The following BMPR1B variants were observed in gnomAD, a reference collection of about 807,000 sequenced individuals.
BMPR1B encodes the protein bone morphogenetic protein receptor type 1B.
In BMPR1B, 12 loss-of-function variants were observed where a neutral mutation model predicts 59.1. The ratio of observed to expected loss-of-function variants is 0.20; its 90% CI spans 0.13 to 0.33. The LOEUF (loss-of-function observed/expected upper bound fraction) is 0.33. Ranked by LOEUF, BMPR1B falls within the 10% of genes least tolerant of loss-of-function variation. BMPR1B has a pLI of 1.00. For synonymous variants in BMPR1B, 237 were observed against 207.3 expected, an observed-to-expected ratio of 1.14 and a Z score of -1.23; for missense variants, 550 against 610.9, an observed-to-expected ratio of 0.90 and a Z score of 1.05.
At chr4:95,034,080 T>C (rs993991031) in intron 3 of BMPR1B, among the ~76,000 whole-genome samples, 1 of 152,138 alleles carries the variant, frequency 6.6e-6, no homozygotes, top group South Asian at 2.1e-4. Flanking sequence ...AGAGGATGTT[T>C]GCTAGCTCAT....
intron 1 of BMPR1B, among the ~76,000 whole-genome samples, chr4:94,829,424 C>G (rs1193778734): frequency 6.6e-6 from 1 of 151,658 alleles, no homozygotes; most frequent in East Asian, 1.9e-4. Context: ...CAGGCACACG[C>G]CACTATGCCT....
Position 95,110,417 on chromosome 4 carries a change from A to G in BMPR1B, c.144-4303A>G, listed in dbSNP as rs1365557240. On this transcript the variant is annotated intron_variant, in intron 4 of 12. Coordinates refer to ENST00000515059, the MANE Select transcript of BMPR1B (RefSeq NM_001203.3). ...GATAGTTACATGATCTTGAGGATAA[A>G]TAAAAGGGGCATCTCTCACATTGGT... 2.0e-5 allele frequency among the ~76,000 whole-genome samples: 3 copies of G among 152,194 alleles called. No homozygotes were observed. In the East Asian group the frequency reaches 5.8e-4, roughly 29 times the overall value.
chr4:94,910,743 TA>T (rs1172899697), intron 2 of BMPR1B, among the ~76,000 whole-genome samples: 2 of 151,774 alleles, frequency 1.3e-5, no homozygotes, highest in African/African-American at 2.4e-5. Context: ...CCCCCATCTC[TA>T]AAAAAATAAA....
At chr4:95,002,906 C>T (rs1356610883) in intron 3 of BMPR1B, among the ~76,000 whole-genome samples, 1 of 151,510 alleles carries the variant, frequency 6.6e-6, no homozygotes, top group African/African-American at 2.4e-5. Flanking sequence ...TGAGTTATTA[C>T]CTTTTCTGTT....
chr4:95,077,419 G>C (rs1159155245), intron 3 of BMPR1B, among the ~76,000 whole-genome samples: 1 of 152,124 alleles, frequency 6.6e-6, no homozygotes, highest in Admixed American at 6.5e-5. Flanking sequence ...AAAGCTGTTA[G>C]AACAGTTTTC....
intron 10 of BMPR1B, among the ~76,000 whole-genome samples, chr4:95,146,327 G>GT (rs1242548614): frequency 3.3e-5 from 5 of 152,130 alleles, no homozygotes; most frequent in Non-Finnish European, 7.4e-5. Context: ...TTTTTGCAGT[G>GT]TTTGAGAAAA....
chr4:95,134,885 T>G (rs1392388223), intron 10 of BMPR1B, among the ~76,000 whole-genome samples: 2 of 152,234 alleles, frequency 1.3e-5, no homozygotes, highest in African/African-American at 4.8e-5. Context: ...ATTTGTCAAT[T>G]TTGGCTTTTG....
At chr4:94,769,848 G>C (rs1174416269) in intron 1 of BMPR1B, among the ~76,000 whole-genome samples, 1 of 152,146 alleles carries the variant, frequency 6.6e-6, no homozygotes, top group Non-Finnish European at 1.5e-5. Context: ...TGATATCTTA[G>C]TTATCCTCAG....
intron 2 of BMPR1B, among the ~76,000 whole-genome samples, chr4:94,940,962 T>C (rs1729487797): frequency 6.6e-6 from 1 of 152,162 alleles, no homozygotes; most frequent in African/African-American, 2.4e-5. Context: ...AGGACATTCT[T>C]CTTGGTGGGA....
chr4:94,771,820 G>C lies in BMPR1B; in HGVS notation c.-183+13752G>C, dbSNP rs184180167. 2.0e-5 allele frequency among the ~76,000 whole-genome samples: 3 copies of C among 152,074 alleles called. No homozygotes were observed. The East Asian group carries it at 5.8e-4, about 29-fold the overall frequency. ...TAGATAGCCCAGGTAACTTGCTAAC[G>C]GTAGAGGGATGCAAGATGAAGAAAA... On this transcript the variant is annotated intron_variant, in intron 1 of 12. Transcript: ENST00000515059.
At chr4:94,796,900 T>C (rs990647321) in intron 1 of BMPR1B, among the ~76,000 whole-genome samples, 1 of 152,246 alleles carries the variant, frequency 6.6e-6, no homozygotes, top group African/African-American at 2.4e-5. Flanking sequence ...TTTACTTGTT[T>C]ATTTAAATAT....
intron 10 of BMPR1B, among the ~76,000 whole-genome samples, chr4:95,142,701 C>T (rs565574285): frequency 3.9e-5 from 6 of 152,150 alleles, no homozygotes; most frequent in East Asian, 1.9e-4. Context: ...TCTTTCCCTG[C>T]GCTCGCCTCT....
At chr4:94,847,523 T>C (rs752645006) in intron 1 of BMPR1B, among the ~76,000 whole-genome samples, 23 of 152,280 alleles carry the variant, frequency 1.5e-4, no homozygotes, top group Non-Finnish European at 3.1e-4. Context: ...TAGTCAAGAT[T>C]TGGAAGCAAC....
At chr4:94,935,820 AGCG>A (rs940391763) in intron 2 of BMPR1B, among the ~76,000 whole-genome samples, 54 of 152,322 alleles carry the variant, frequency 3.5e-4, no homozygotes, top group African/African-American at 1.2e-3. Context: ...AGAAAATGTT[AGCG>A]GGGAGAACAA....
At chr4:94,936,122 G>A (rs13122133) in intron 2 of BMPR1B, among the ~76,000 whole-genome samples, 20,959 of 152,180 alleles carry the variant, frequency 0.14, 1,660 homozygotes, top group South Asian at 0.19. Flanking sequence ...ACAAATAGCA[G>A]CAGCATGTTT....
chr4:94,812,268 C>T (rs1377792217), intron 1 of BMPR1B, among the ~76,000 whole-genome samples: 1 of 152,070 alleles, frequency 6.6e-6, no homozygotes, highest in Non-Finnish European at 1.5e-5. Flanking sequence ...TTTTAAGAGG[C>T]TTTGTGAAGT....
intron 2 of BMPR1B, among the ~76,000 whole-genome samples, chr4:94,899,159 T>A (rs1727705197): frequency 6.6e-6 from 1 of 151,986 alleles, no homozygotes; most frequent in Non-Finnish European, 1.5e-5. Context: ...CTTCTCTTCT[T>A]CTGTGTGTGC....
intron 1 of BMPR1B, among the ~76,000 whole-genome samples, chr4:94,792,355 G>A (rs1007352672): frequency 6.6e-6 from 1 of 152,046 alleles, no homozygotes; most frequent in Non-Finnish European, 1.5e-5. Flanking sequence ...TTTGGCCTCT[G>A]ATTTTTGTCA....
intron 1 of BMPR1B, among the ~76,000 whole-genome samples, chr4:94,769,670 ACTG>A (rs1481971196): frequency 1.3e-5 from 2 of 152,096 alleles, no homozygotes; most frequent in Non-Finnish European, 2.9e-5. Flanking sequence ...GCACAAATAG[ACTG>A]AATGTGGGAA....
Sources: allele counts gnomAD v4.1 joint callset (sites outside exome capture counted in the v4.1 genomes callset), GRCh38; gene constraint gnomAD v4.1.1; transcripts MANE v1.5; gene names NCBI Gene and HGNC (gene_info 2026-07-23, HGNC 2026-07-21).